CMTM7: variants seen among roughly 807,000 people sequenced by gnomAD.
CMTM7 encodes CKLF-like MARVEL transmembrane domain-containing protein 7.
A neutral mutation model predicts 19.3 loss-of-function variants in CMTM7; 7 were observed. The observed-to-expected ratio is 0.36, with a 90% confidence interval of 0.21 to 0.68. The LOEUF is 0.68. CMTM7 is among the 30% of genes least tolerant of loss of function. The pLI is 0.60. For synonymous variants in CMTM7, 87 were observed against 99.3 expected (o/e 0.88, Z 0.74); for missense variants, 193 against 232.6 (o/e 0.83, Z 1.11).
intron 4 of CMTM7, among the ~76,000 whole-genome samples, chr3:32,453,951 G>A (rs57667622): frequency 0.021 from 3,259 of 152,248 alleles, 117 homozygotes; most frequent in African/African-American, 0.072. Flanking sequence ...TTGGTTTTTT[G>A]AATTATGGAA....
intron 1 of CMTM7, among the ~76,000 whole-genome samples, chr3:32,428,813 G>C (rs1044338887): frequency 2.6e-5 from 4 of 152,168 alleles, no homozygotes; most frequent in African/African-American, 9.6e-5. Flanking sequence ...CAGAGACTTA[G>C]ATGAGCTGTG....
At chr3:32,424,348 C>T (rs139028629) in intron 1 of CMTM7, among the ~76,000 whole-genome samples, 151 of 152,310 alleles carry the variant, frequency 9.9e-4, no homozygotes, top group African/African-American at 3.1e-3. Context: ...CAGATCACGT[C>T]GTGTCACTTC....
intron 1 of CMTM7, among the ~76,000 whole-genome samples, chr3:32,419,548 G>A (rs945774663): frequency 7.0e-6 from 1 of 143,808 alleles, no homozygotes; most frequent in Non-Finnish European, 1.5e-5. Context: ...TCCTATCCTT[G>A]CTTGCTGAAA....
Position 32,449,104 on chromosome 3 carries a change from C to T in CMTM7, c.334-350C>T, listed in dbSNP as rs1417943656. On this transcript the variant is annotated intron_variant, in intron 2 of 4. Transcript: ENST00000334983. The surrounding 1 kb of genome is among the most constrained non-coding windows in gnomAD (Gnocchi z 4.5). ...TCCAGCCGGGAAGTTGCAAGAAGCT[C>T]GTTTGCTTTTTAGTAGCTTTAGCCA... Among the ~76,000 whole-genome samples, 2 of 152,186 alleles carry T rather than the reference C, an allele frequency of 1.3e-5. No individual in the cohort carries two copies. Among genetic ancestry groups the T allele is most frequent in the African/African-American group, 2.4e-5 (1 of 41,434 alleles).
intron 1 of CMTM7, among the ~76,000 whole-genome samples, chr3:32,437,758 G>A (rs533796447): frequency 3.7e-4 from 56 of 152,176 alleles, no homozygotes; most frequent in African/African-American, 1.3e-3. Flanking sequence ...GGGCATGGTG[G>A]CGCATACATG....
intron 1 of CMTM7, among the ~76,000 whole-genome samples, chr3:32,406,058 C>T (rs1159113302): frequency 6.6e-6 from 1 of 152,226 alleles, no homozygotes; most frequent in Admixed American, 6.5e-5. Flanking sequence ...TTATTTCACA[C>T]TTCTGTGTGT....
At position 32,417,716 on chromosome 3, in the gene CMTM7, C is replaced by T. The variant is rs78890335; in HGVS notation, c.160-24124C>T. 1.2e-4 allele frequency among the ~76,000 whole-genome samples: 19 copies of T among 152,292 alleles called. No homozygotes were observed. In the East Asian group the frequency reaches 3.1e-3, roughly 25 times the overall value. Reference sequence around the variant, plus strand: ...GAGTTCTTGTTGTTTACCACACTTGCCAGCATTTGATATTATCAGTATTTT... The same window carrying T: ...GAGTTCTTGTTGTTTACCACACTTGTCAGCATTTGATATTATCAGTATTTT... On this transcript the variant is annotated intron_variant, in intron 1 of 4. Transcript: ENST00000334983.
Position 32,424,653 on chromosome 3 carries a change from C to T in CMTM7, c.160-17187C>T, listed in dbSNP as rs1263338083. Among the ~76,000 whole-genome samples the T allele has an allele frequency of 3.1e-5, 4 of 128,428 alleles. No individual in the cohort carries two copies. In the East Asian group the frequency reaches 6.9e-4, roughly 22 times the overall value. 84.3% of individuals were successfully genotyped at this position (128,428 alleles called of 152,430 possible). A position where few individuals can be genotyped will look rare whatever the true frequency, so the allele number is the denominator to read the frequency against. On this transcript the variant is annotated intron_variant, in intron 1 of 4. Coordinates refer to ENST00000334983, the MANE Select transcript of CMTM7 (RefSeq NM_138410.4). ...TGGGGAAAGGTTTTTTTTTTTTTTG[C>T]GGCTGGGGGGATACATGGTCTCACT...
At chr3:32,407,992 A>AT (rs1696113824) in intron 1 of CMTM7, among the ~76,000 whole-genome samples, 1 of 152,172 alleles carries the variant, frequency 6.6e-6, no homozygotes, top group Non-Finnish European at 1.5e-5. Context: ...ACATGTAATT[A>AT]AGTTAAGGAT....
intron 2 of CMTM7, among the ~76,000 whole-genome samples, chr3:32,443,697 G>A (rs951422536): frequency 1.3e-5 from 2 of 152,156 alleles, no homozygotes; most frequent in Non-Finnish European, 2.9e-5. Flanking sequence ...GTGTATGAAG[G>A]TTCCAGTTTC....
At chr3:32,411,135 C>T (rs75165233) in intron 1 of CMTM7, among the ~76,000 whole-genome samples, 2 of 152,106 alleles carry the variant, frequency 1.3e-5, no homozygotes, top group Non-Finnish European at 2.9e-5. Context: ...GAGGCAGAGC[C>T]GGCTTCCCTG....
In CMTM7 at chr3:32,449,956, G is replaced by C. The variant is rs776986280; in HGVS notation, c.432+404G>C. 6.6e-6 allele frequency among the ~76,000 whole-genome samples: 1 copy of C among 152,192 alleles called. No homozygotes were observed. Among genetic ancestry groups the C allele is most frequent in the South Asian group, 2.1e-4 (1 of 4,834 alleles). ...GATCAATTAGAGATACATGCCATGA[G>C]CCTGAGCTTTGCCATTCCTGATTTT... On this transcript the variant is annotated intron_variant, in intron 3 of 4. Transcript: ENST00000334983. This position sits in a 1 kb window ranked among gnomAD's most constrained non-coding sequence, Gnocchi z 4.5.
At position 32,449,352 on chromosome 3, in the gene CMTM7, T is replaced by A; in HGVS notation, c.334-102T>A. The A allele has an allele frequency of 1.2e-6, 1 of 841,416 alleles. No homozygotes were observed. The highest frequency in any genetic ancestry group is 2.1e-6 in the Non-Finnish European group (1 of 478,590). 52.1% of individuals were successfully genotyped at this position (841,416 alleles called of 1,614,324 possible). On this transcript the variant is annotated intron_variant, in intron 2 of 4. Coordinates refer to ENST00000334983, the MANE Select transcript of CMTM7 (RefSeq NM_138410.4). The surrounding 1 kb of genome is among the most constrained non-coding windows in gnomAD (Gnocchi z 4.5). ...GTGTTGCAAGGGAGAAGAGGAAGCG[T>A]CACTCTCTCCCTTTCTTTTCATGTC...
At chr3:32,417,088 G>A (rs768276630) in intron 1 of CMTM7, among the ~76,000 whole-genome samples, 32 of 152,158 alleles carry the variant, frequency 2.1e-4, no homozygotes, top group Admixed American at 7.9e-4. Context: ...AGTGTGTACC[G>A]TCATCACCAC....
In CMTM7 at chr3:32,432,028, G is replaced by A. The variant is rs553884235; in HGVS notation, c.160-9812G>A. On this transcript the variant is annotated intron_variant, in intron 1 of 4. Coordinates refer to ENST00000334983, the MANE Select transcript of CMTM7 (RefSeq NM_138410.4). ...CACCGAGTTGTTTCAGCCCAAGCTC[G>A]CTTCTTGAGGCCTCCCTCTGGGATA... is the stretch of plus-strand genomic sequence containing the variant. Among the ~76,000 whole-genome samples the A allele has an allele frequency of 4.6e-5, 7 of 152,246 alleles. No individual in the cohort carries two copies. In the East Asian group the frequency reaches 7.7e-4, roughly 17 times the overall value.
In CMTM7 at chr3:32,454,474, C is replaced by G. The variant is rs1214657106; in HGVS notation, c.*220C>G. The G allele has an allele frequency of 1.4e-6, 1 of 704,856 alleles. No individual in the cohort carries two copies. Among genetic ancestry groups the G allele is most frequent in the Non-Finnish European group, 2.6e-6 (1 of 387,398 alleles). 43.7% of individuals were successfully genotyped at this position (704,856 alleles called of 1,614,324 possible). The stretch of plus-strand genomic sequence containing the variant: ...CAGCCTTCCGGGGAGAACATCCCTC[C>G]CATTCTGGGAAAGGAAAGCAGCCTC... On this transcript the variant is annotated 3_prime_UTR_variant, in exon 5 of 5. Coordinates refer to ENST00000334983, the MANE Select transcript of CMTM7 (RefSeq NM_138410.4).
chr3:32,435,060 C>T (rs934776400), intron 1 of CMTM7, among the ~76,000 whole-genome samples: 5 of 152,196 alleles, frequency 3.3e-5, no homozygotes, highest in Non-Finnish European at 1.5e-5. Flanking sequence ...AAATCTTAAA[C>T]GTGCATATGC....
intron 4 of CMTM7, among the ~76,000 whole-genome samples, chr3:32,452,963 G>GT (rs1696859854): frequency 9.5e-6 from 1 of 105,664 alleles, no homozygotes; most frequent in South Asian, 3.3e-4. Context: ...TAGAGTTGGA[G>GT]TCTCACCATG....
intron 1 of CMTM7, among the ~76,000 whole-genome samples, chr3:32,436,546 C>T (rs1682411813): frequency 6.6e-6 from 1 of 152,126 alleles, no homozygotes; most frequent in South Asian, 2.1e-4. Flanking sequence ...TGGGGATTTC[C>T]TGGAAAGCCT....
Sources: gnomAD v4.1 joint callset for allele counts (sites outside exome capture counted in the v4.1 genomes callset) on GRCh38, gnomAD v4.1.1 for gene constraint, Gnocchi (gnomAD v3.1) non-coding constraint, MANE v1.5 for transcripts, NCBI Gene and HGNC (gene_info 2026-07-23, HGNC 2026-07-21) for gene names.